The following KCNIP4 variants were observed in gnomAD, a reference collection of about 807,000 sequenced individuals.
The protein encoded by KCNIP4 is potassium voltage-gated channel interacting protein 4.
Under a neutral mutation model 34.0 loss-of-function variants are expected in KCNIP4, and 12 were observed. The observed-to-expected ratio is 0.35, with a 90% CI of 0.23 to 0.57. The LOEUF (loss-of-function observed/expected upper bound fraction) is 0.57, where lower values mean the gene tolerates loss of function less well. Among genes scored for constraint, KCNIP4 ranks in the 20% least tolerant of loss-of-function variants. The pLI is 0.83. For missense variants in KCNIP4, 238 were observed against 311.7 expected (o/e 0.76, Z 1.78); for synonymous variants, 124 against 102.2 (o/e 1.21, Z -1.29).
intron 1 of KCNIP4, among the ~76,000 whole-genome samples, chr4:21,158,350 T>C (rs1457655090): frequency 1.3e-5 from 2 of 150,446 alleles, no homozygotes. Flanking sequence ...GCGTTACAAA[T>C]AAAAAAAAAT....
intron 1 of KCNIP4, among the ~76,000 whole-genome samples, chr4:21,079,942 A>G (rs1745855597): frequency 6.6e-6 from 1 of 151,862 alleles, no homozygotes; most frequent in African/African-American, 2.4e-5. Flanking sequence ...TCTAGAAAAG[A>G]ATGCACATTG....
intron 1 of KCNIP4, among the ~76,000 whole-genome samples, chr4:21,735,956 CCATG>C (rs1560675871): frequency 6.6e-6 from 1 of 152,122 alleles, no homozygotes; most frequent in Non-Finnish European, 1.5e-5. Flanking sequence ...CCCCTGGAAG[CCATG>C]CATGGCCATG....
chr4:21,042,406 G>T (rs1742041557), intron 1 of KCNIP4, among the ~76,000 whole-genome samples: 1 of 152,176 alleles, frequency 6.6e-6, no homozygotes, highest in Admixed American at 6.5e-5. Flanking sequence ...AGCCTGGGGA[G>T]CATTAGGTTA....
At chr4:21,192,949 C>CTAATAA (rs59595411) in intron 1 of KCNIP4, among the ~76,000 whole-genome samples, 18 of 144,606 alleles carry the variant, frequency 1.2e-4, no homozygotes, top group East Asian at 4.1e-4. Context: ...ACTACTACTA[C>CTAATAA]TACTAATAAT....
chr4:21,784,739 T>C (rs1719790497), intron 1 of KCNIP4, among the ~76,000 whole-genome samples: 1 of 152,196 alleles, frequency 6.6e-6, no homozygotes, highest in Non-Finnish European at 1.5e-5. Context: ...GAATTTACCA[T>C]CAAAGAGTAC....
intron 1 of KCNIP4, among the ~76,000 whole-genome samples, chr4:21,426,972 C>G (rs77536435): frequency 6.6e-6 from 1 of 151,412 alleles, no homozygotes; most frequent in African/African-American, 2.4e-5. Context: ...AAACTTCACA[C>G]GGATCATGAC....
At chr4:20,897,951 T>A (rs1726737326) in intron 1 of KCNIP4, among the ~76,000 whole-genome samples, 1 of 152,196 alleles carries the variant, frequency 6.6e-6, no homozygotes. Flanking sequence ...ATATTCTTTC[T>A]TGGTGGGTCT....
At position 20,740,965 on chromosome 4, in the gene KCNIP4, C is replaced by G. The variant is rs373076087; in HGVS notation, c.430-6230G>C. On this transcript the variant is annotated intron_variant, in intron 5 of 8. Transcript: ENST00000382152. ...GACATTAAACCAACAAAGATCAAAA[C>G]AGACAAAGAAGGCTATTACATAATG... 2.3e-3 allele frequency among the ~76,000 whole-genome samples: 355 copies of G among 152,134 alleles called. 8 individuals carry two copies. In the South Asian group the frequency reaches 0.047, roughly 20 times the overall value.
intron 5 of KCNIP4, among the ~76,000 whole-genome samples, chr4:20,743,148 T>A (rs190062279): frequency 6.6e-6 from 1 of 152,104 alleles, no homozygotes; most frequent in Non-Finnish European, 1.5e-5. Context: ...ACATTCCATG[T>A]TCATGGATAG....
chr4:20,948,309 CA>C (rs1560592835), intron 1 of KCNIP4, among the ~76,000 whole-genome samples: 2 of 152,010 alleles, frequency 1.3e-5, no homozygotes, highest in Non-Finnish European at 1.5e-5. Context: ...AGTATTGACC[CA>C]AATCTTTCAT....
intron 1 of KCNIP4, among the ~76,000 whole-genome samples, chr4:21,155,523 T>C (rs1396045744): frequency 1.3e-5 from 2 of 152,256 alleles, no homozygotes; most frequent in East Asian, 3.9e-4. Flanking sequence ...ATTGCAGTCC[T>C]GGGAGTGAGG....
intron 1 of KCNIP4, among the ~76,000 whole-genome samples, chr4:21,478,557 G>A (rs901262770): frequency 2.6e-5 from 4 of 152,132 alleles, no homozygotes; most frequent in Admixed American, 6.6e-5. Flanking sequence ...CTCCCCAGAT[G>A]GCAGCCATTC....
chr4:21,449,076 A>G (rs1728288022), intron 1 of KCNIP4, among the ~76,000 whole-genome samples: 1 of 152,190 alleles, frequency 6.6e-6, no homozygotes, highest in Non-Finnish European at 1.5e-5. Context: ...TGGCAGGCCT[A>G]GCAGTCAGGG....
At chr4:21,597,450 G>T (rs1160065777) in intron 1 of KCNIP4, among the ~76,000 whole-genome samples, 2 of 151,968 alleles carry the variant, frequency 1.3e-5, no homozygotes, top group East Asian at 3.9e-4. Flanking sequence ...ATACACCCAT[G>T]AATATCTTCA....
chr4:21,675,014 A>G (rs1292520892), intron 1 of KCNIP4, among the ~76,000 whole-genome samples: 1 of 152,292 alleles, frequency 6.6e-6, no homozygotes, highest in East Asian at 1.9e-4. Context: ...TTGCAGCACT[A>G]CTTACAATAG....
At chr4:21,305,509 G>C (rs1712363140) in intron 1 of KCNIP4, among the ~76,000 whole-genome samples, 1 of 152,168 alleles carries the variant, frequency 6.6e-6, no homozygotes, top group Non-Finnish European at 1.5e-5. Context: ...GACTTTGCTG[G>C]GTTGCCAGAG....
rs377562727 is a variant in KCNIP4, at chr4:21,147,939, C to CAAAAAAAAAA, written c.62-265240_62-265231dup. 9.1e-3 allele frequency among the ~76,000 whole-genome samples: 282 copies of CAAAAAAAAAA among 30,938 alleles called. 6 individuals carry two copies. Among genetic ancestry groups the CAAAAAAAAAA allele is most frequent in the Middle Eastern group, 0.021 (1 of 48 alleles). The allele number at this position is 30,938 out of a possible 152,430, so 20.3% of individuals were successfully genotyped here. ...GGACAACAAAAGTGAAACTCCGTCT[C>CAAAAAAAAAA]AAAAAAAAAAAAAAAAAAAAAGAAA... is the stretch of plus-strand genomic sequence containing the variant. On this transcript the variant is annotated intron_variant, in intron 1 of 8. Transcript: ENST00000382152.
At position 21,345,395 on chromosome 4, in the gene KCNIP4, G is replaced by T. The variant is rs143702662; in HGVS notation, c.62-462686C>A. ...ACTCAGAAGCACTCAATTAACTCATGAAAACGGTGAGATAAATTTTTGTTG... is the reference window on the plus strand; with the variant it reads ...ACTCAGAAGCACTCAATTAACTCATTAAAACGGTGAGATAAATTTTTGTTG... On this transcript the variant is annotated intron_variant, in intron 1 of 8. Transcript: ENST00000382152. 4.3e-3 allele frequency among the ~76,000 whole-genome samples: 654 copies of T among 152,238 alleles called. 5 individuals are homozygous for T. Among genetic ancestry groups the T allele is most frequent in the African/African-American group, 0.014 (601 of 41,556 alleles).
rs1722938423 is a variant in KCNIP4 at position 21,830,810 on chromosome 4, T to C, written c.61+117761A>G. Among the ~76,000 whole-genome samples the C allele has an allele frequency of 2.0e-5, 3 of 152,218 alleles. No individual in the cohort carries two copies. The South Asian group carries it at 6.2e-4, about 32-fold the overall frequency. On this transcript the variant is annotated intron_variant, in intron 1 of 8. Coordinates refer to ENST00000382152, the MANE Select transcript of KCNIP4 (RefSeq NM_025221.6). ...AAGTATATGTTAGGTCAAATGGATA[T>C]AAAAGACATATATAGAATGTTCCAC...
Sources: gnomAD v4.1 joint callset for allele counts (sites outside exome capture counted in the v4.1 genomes callset) on GRCh38, gnomAD v4.1.1 for gene constraint, MANE v1.5 for transcripts, NCBI Gene and HGNC (gene_info 2026-07-23, HGNC 2026-07-21) for gene names.